Variants in MAPKAP1 observed in about 807,000 individuals in gnomAD.
The protein encoded by MAPKAP1 is target of rapamycin complex 2 subunit MAPKAP1.
In MAPKAP1, 20 loss-of-function variants were observed where a neutral mutation model predicts 65.7. The observed-to-expected ratio is 0.30, with a 90% confidence interval of 0.21 to 0.44. MAPKAP1 has a LOEUF of 0.44. Ranked by LOEUF, MAPKAP1 falls within the 20% of genes least tolerant of loss-of-function variation. MAPKAP1 has a pLI of 1.00. For missense variants in MAPKAP1, 423 were observed against 648.0 expected (o/e 0.65, Z 3.77); for synonymous variants, 222 against 244.3 (o/e 0.91, Z 0.85).
Position 125,569,729 on chromosome 9 carries a change from A to G in MAPKAP1, c.672-9920T>C, listed in dbSNP as rs117468493. 2.6e-3 allele frequency among the ~76,000 whole-genome samples: 399 copies of G among 152,372 alleles called. 11 individuals carry two copies. The East Asian group carries it at 0.031, about 12-fold the overall frequency. On this transcript the variant is annotated intron_variant, in intron 5 of 11. Coordinates refer to ENST00000265960, the MANE Select transcript of MAPKAP1 (RefSeq NM_001006617.3). ...CCACCCTAAAGCCAGTAATCCAACTAAGAAACTTAAAAACTGGCAAATGAA... is the reference window on the plus strand; with the variant it reads ...CCACCCTAAAGCCAGTAATCCAACTGAGAAACTTAAAAACTGGCAAATGAA...
At chr9:125,702,257 G>A (rs565708881) in intron 1 of MAPKAP1, among the ~76,000 whole-genome samples, 8 of 152,136 alleles carry the variant, frequency 5.3e-5, no homozygotes, top group Non-Finnish European at 7.4e-5. Flanking sequence ...AAATTAGGCC[G>A]GGCGCAGTGG....
At chr9:125,671,428 A>G (rs1024833245) in intron 2 of MAPKAP1, among the ~76,000 whole-genome samples, 1 of 152,106 alleles carries the variant, frequency 6.6e-6, no homozygotes, top group African/African-American at 2.4e-5. Flanking sequence ...ATATGTAAGT[A>G]TTTTCAGTGT....
At chr9:125,649,493 G>A (rs1588037005) in intron 4 of MAPKAP1, among the ~76,000 whole-genome samples, 2 of 152,170 alleles carry the variant, frequency 1.3e-5, no homozygotes, top group South Asian at 4.1e-4. Context: ...GCATCTGAGT[G>A]CACATCCCTG....
At chr9:125,609,196 G>T (rs538762796) in intron 4 of MAPKAP1, among the ~76,000 whole-genome samples, 3 of 152,282 alleles carry the variant, frequency 2.0e-5, no homozygotes, top group South Asian at 4.1e-4. Context: ...GATGCAAAAT[G>T]GTTACTTGCT....
At chr9:125,441,818 T>C (rs568496240) in intron 11 of MAPKAP1, among the ~76,000 whole-genome samples, 145 of 152,222 alleles carry the variant, frequency 9.5e-4, no homozygotes, top group Non-Finnish European at 1.7e-3. Flanking sequence ...AAACTAAGTA[T>C]TCCAATTGCT....
chr9:125,616,869 A>G (rs552192943), intron 4 of MAPKAP1, among the ~76,000 whole-genome samples: 22 of 152,246 alleles, frequency 1.4e-4, no homozygotes, highest in South Asian at 6.2e-4. Context: ...TAGGAAATCA[A>G]TTTAGCCAAT....
chr9:125,577,545 CCCGT>C (rs1831463297), intron 5 of MAPKAP1, among the ~76,000 whole-genome samples: 2 of 138,730 alleles, frequency 1.4e-5, no homozygotes, highest in African/African-American at 2.7e-5. Flanking sequence ...GGCCGGCCGC[CCCGT>C]CCAGGAGGGA....
intron 7 of MAPKAP1, among the ~76,000 whole-genome samples, chr9:125,521,918 G>C (rs930676832): frequency 6.6e-6 from 1 of 152,222 alleles, no homozygotes; most frequent in African/African-American, 2.4e-5. Context: ...TGATATATTG[G>C]AATCTGAAGA....
intron 9 of MAPKAP1, among the ~76,000 whole-genome samples, chr9:125,474,269 A>G (rs1854026860): frequency 6.6e-6 from 1 of 152,184 alleles, no homozygotes; most frequent in African/African-American, 2.4e-5. Context: ...AAATCCCCCC[A>G]GTAACCTCCC....
At chr9:125,544,810 T>C (rs889778657) in intron 6 of MAPKAP1, among the ~76,000 whole-genome samples, 1 of 152,218 alleles carries the variant, frequency 6.6e-6, no homozygotes, top group African/African-American at 2.4e-5. Context: ...AGCTAAGTTC[T>C]GGAAAAGCTT....
intron 1 of MAPKAP1, among the ~76,000 whole-genome samples, chr9:125,684,574 C>G (rs954401500): frequency 1.8e-4 from 28 of 152,170 alleles, no homozygotes; most frequent in Admixed American, 3.9e-4. Context: ...CTTAAACCTT[C>G]TAAGGGCTAA....
rs150241174 is a variant in MAPKAP1, at chr9:125,693,798, C to T, written c.-70+13173G>A. Among the ~76,000 whole-genome samples the T allele has an allele frequency of 8.6e-3, 1,214 of 141,880 alleles. 9 individuals carry two copies. Among genetic ancestry groups the T allele is most frequent in the Middle Eastern group, 0.018 (5 of 282 alleles). The allele number at this position is 141,880 out of a possible 152,430, so 93.1% of individuals were successfully genotyped here. ...ATATATACACGTATATATATACACA[C>T]ATATATATACACACACATATACACA... On this transcript the variant is annotated intron_variant, in intron 1 of 11. Coordinates refer to ENST00000265960, the MANE Select transcript of MAPKAP1 (RefSeq NM_001006617.3).
intron 11 of MAPKAP1, 136 bp downstream of exon 11, chr9:125,444,365 A>T: frequency 1.5e-6 from 1 of 659,852 alleles, no homozygotes; most frequent in Non-Finnish European, 2.6e-6. Flanking sequence ...AAGCTGCGAC[A>T]CTCCTCCTCT....
At chr9:125,490,142 T>TTCCCAAG (rs1854645514) in intron 8 of MAPKAP1, among the ~76,000 whole-genome samples, 1 of 152,184 alleles carries the variant, frequency 6.6e-6, no homozygotes, top group Non-Finnish European at 1.5e-5. Context: ...TGGTGGGGAA[T>TTCCCAAG]TCCCAAGTCC....
At chr9:125,461,493 C>T (rs1206408559) in intron 10 of MAPKAP1, among the ~76,000 whole-genome samples, 1 of 152,164 alleles carries the variant, frequency 6.6e-6, no homozygotes, top group Non-Finnish European at 1.5e-5. Context: ...CCAAATGCAG[C>T]AAGGAGTTTT....
intron 11 of MAPKAP1, among the ~76,000 whole-genome samples, chr9:125,443,359 C>T (rs1406899720): frequency 6.6e-6 from 1 of 152,168 alleles, no homozygotes; most frequent in Non-Finnish European, 1.5e-5. Flanking sequence ...GCCAGGGTCA[C>T]ACAACTAGGG....
intron 5 of MAPKAP1, among the ~76,000 whole-genome samples, chr9:125,574,394 T>C (rs186691622): frequency 8.5e-5 from 13 of 152,316 alleles, no homozygotes; most frequent in South Asian, 6.2e-4. Flanking sequence ...TTAGGATATA[T>C]GGGAGCACAG....
At chr9:125,528,462 A>T (rs1829836040) in intron 7 of MAPKAP1, among the ~76,000 whole-genome samples, 1 of 152,188 alleles carries the variant, frequency 6.6e-6, no homozygotes, top group Non-Finnish European at 1.5e-5. Flanking sequence ...GAGTGGAAAG[A>T]ATGAAGTTAT....
At chr9:125,617,682 G>A (rs1832785694) in intron 4 of MAPKAP1, among the ~76,000 whole-genome samples, 1 of 152,118 alleles carries the variant, frequency 6.6e-6, no homozygotes, top group Non-Finnish European at 1.5e-5. Flanking sequence ...GTAATGTTAA[G>A]AGGAAAAAGT....
Sources: allele counts gnomAD v4.1 joint callset (sites outside exome capture counted in the v4.1 genomes callset), GRCh38; gene constraint gnomAD v4.1.1; transcripts MANE v1.5; gene names NCBI Gene and HGNC (gene_info 2026-07-23, HGNC 2026-07-21).